Variants in CTNNA3 observed in about 807,000 individuals in gnomAD.
CTNNA3 encodes catenin alpha 3.
Under a neutral mutation model 95.7 loss-of-function variants are expected in CTNNA3, and 76 were observed. The ratio of observed to expected loss-of-function variants is 0.79; its 90% CI spans 0.66 to 0.96. CTNNA3 has a LOEUF of 0.96. Ranked by LOEUF, CTNNA3 falls within the 40% of genes least tolerant of loss-of-function variation. The pLI, the probability that CTNNA3 is intolerant of heterozygous loss-of-function variation, is 0.00. For synonymous variants in CTNNA3, 431 were observed against 374.4 expected (o/e 1.15, Z -1.74); for missense variants, 1,191 against 1,089.8 (o/e 1.09, Z -1.31).
upstream of CTNNA3, among the ~76,000 whole-genome samples, chr10:67,700,500 G>A (rs1443671851): frequency 2.0e-5 from 3 of 152,184 alleles, no homozygotes; most frequent in African/African-American, 7.2e-5. Context: ...CTCCGCTGCT[G>A]ATATCCAGCA....
intron 15 of CTNNA3, among the ~76,000 whole-genome samples, chr10:66,047,563 C>T (rs755157304): frequency 6.6e-6 from 1 of 152,102 alleles, no homozygotes; most frequent in African/African-American, 2.4e-5. Context: ...CCCTTGAAAA[C>T]CAGCACAAGA....
intron 6 of CTNNA3, among the ~76,000 whole-genome samples, chr10:67,217,466 A>G (rs1672897829): frequency 1.3e-5 from 2 of 152,324 alleles, no homozygotes; most frequent in South Asian, 4.1e-4. Context: ...AATCCTCATT[A>G]GGATCTCAGA....
intron 9 of CTNNA3, 84 bp from the exon 10 acceptor site, chr10:66,621,868 A>C: frequency 1.6e-6 from 1 of 633,352 alleles, no homozygotes; most frequent in South Asian, 2.7e-5. Flanking sequence ...GAACATGTAC[A>C]CATTCATCAA....
intron 9 of CTNNA3, among the ~76,000 whole-genome samples, chr10:66,628,414 G>A (rs1845014187): frequency 6.6e-6 from 1 of 152,056 alleles, no homozygotes; most frequent in Non-Finnish European, 1.5e-5. Context: ...GGAAACACCT[G>A]AGAAAAGAAA....
At chr10:67,636,424 A>T (rs1186433027) in intron 2 of CTNNA3, among the ~76,000 whole-genome samples, 1 of 152,186 alleles carries the variant, frequency 6.6e-6, no homozygotes, top group Non-Finnish European at 1.5e-5. Context: ...AAACTATACT[A>T]CAGGGCTACA....
chr10:67,072,184 C>T (rs908714527), intron 7 of CTNNA3, among the ~76,000 whole-genome samples: 13 of 152,102 alleles, frequency 8.5e-5, no homozygotes, highest in African/African-American at 3.1e-4. Context: ...GAACTGCTGG[C>T]CTCAAGTGAT....
chr10:67,600,648 T>C (rs1300354686), intron 3 of CTNNA3, among the ~76,000 whole-genome samples: 1 of 152,194 alleles, frequency 6.6e-6, no homozygotes, highest in East Asian at 1.9e-4. Context: ...AGCTGTTTGG[T>C]AATATCTACT....
At chr10:67,261,615 A>G (rs970792881) in intron 5 of CTNNA3, among the ~76,000 whole-genome samples, 3 of 152,222 alleles carry the variant, frequency 2.0e-5, no homozygotes, top group Non-Finnish European at 4.4e-5. Flanking sequence ...AGATTTATGA[A>G]TATAGAGCAA....
chr10:66,813,646 T>C (rs938580224), intron 7 of CTNNA3, among the ~76,000 whole-genome samples: 5 of 152,188 alleles, frequency 3.3e-5, no homozygotes, highest in African/African-American at 4.8e-5. Context: ...TTCCAAATAC[T>C]GTACTGGGAA....
chr10:66,276,810 C>A (rs2091407461), intron 13 of CTNNA3, among the ~76,000 whole-genome samples: 1 of 150,042 alleles, frequency 6.7e-6, no homozygotes, highest in Non-Finnish European at 1.5e-5. Context: ...TAGCTATCTT[C>A]TTATTATAGC....
intron 11 of CTNNA3, among the ~76,000 whole-genome samples, chr10:66,516,784 G>A (rs934483455): frequency 3.9e-5 from 6 of 152,112 alleles, no homozygotes; most frequent in Non-Finnish European, 7.3e-5. Flanking sequence ...AATCATCTGG[G>A]AAAGACTTTC....
intron 13 of CTNNA3, among the ~76,000 whole-genome samples, chr10:66,155,105 T>G (rs1266157149): frequency 2.0e-5 from 3 of 151,622 alleles, no homozygotes; most frequent in Non-Finnish European, 3.0e-5. Flanking sequence ...TGCTCAAGAG[T>G]ATAGTGTGAA....
intron 16 of CTNNA3, among the ~76,000 whole-genome samples, chr10:65,980,685 T>C (rs549390077): frequency 6.6e-6 from 1 of 152,068 alleles, no homozygotes; most frequent in Admixed American, 6.6e-5. Flanking sequence ...GAAGGGATTA[T>C]TCAACATCTG....
intron 7 of CTNNA3, among the ~76,000 whole-genome samples, chr10:67,091,809 T>A (rs1315155482): frequency 6.6e-6 from 1 of 152,024 alleles, no homozygotes; most frequent in Admixed American, 6.6e-5. Flanking sequence ...TTAAGCTGAC[T>A]TAATCTAATA....
intron 10 of CTNNA3, among the ~76,000 whole-genome samples, chr10:66,579,292 C>T (rs1451077302): frequency 1.3e-5 from 2 of 151,716 alleles, no homozygotes; most frequent in Non-Finnish European, 2.9e-5. Flanking sequence ...CAAGTTATAG[C>T]TCAGTTGCAT....
chr10:67,733,532 C>T (rs757563579), intron 1 of CTNNA3, among the ~76,000 whole-genome samples: 9 of 152,152 alleles, frequency 5.9e-5, no homozygotes, highest in Non-Finnish European at 1.2e-4. Flanking sequence ...GGTATGCAAG[C>T]TATCCTATTG....
At chr10:67,177,264 G>T (rs1191463219) in intron 7 of CTNNA3, among the ~76,000 whole-genome samples, 1 of 152,128 alleles carries the variant, frequency 6.6e-6, no homozygotes, top group Admixed American at 6.6e-5. Flanking sequence ...AAATGATCAA[G>T]ACTTGCTGAT....
chr10:66,749,269 T>C (rs987892285), intron 9 of CTNNA3, among the ~76,000 whole-genome samples: 3 of 150,402 alleles, frequency 2.0e-5, no homozygotes, highest in African/African-American at 7.3e-5. Flanking sequence ...CCTGGTGTTG[T>C]ACATTGCATG....
chr10:67,614,527 A>C (rs1181825557), intron 2 of CTNNA3, among the ~76,000 whole-genome samples: 2 of 152,196 alleles, frequency 1.3e-5, no homozygotes, highest in Admixed American at 1.3e-4. Flanking sequence ...AACCTACGTC[A>C]CAATAAGGTT....
Sources: gnomAD v4.1 joint callset for allele counts (sites outside exome capture counted in the v4.1 genomes callset) on GRCh38, gnomAD v4.1.1 for gene constraint, MANE v1.5 for transcripts, NCBI Gene and HGNC (gene_info 2026-07-23, HGNC 2026-07-21) for gene names.